PEPD: variants seen among roughly 807,000 people sequenced by gnomAD.
PEPD encodes the protein peptidase D.
A neutral mutation model predicts 60.7 loss-of-function variants in PEPD; 53 were observed. The ratio of observed to expected loss-of-function variants is 0.87; its 90% CI spans 0.70 to 1.10. The LOEUF is 1.10. PEPD is among the 50% of genes least tolerant of loss of function. The probability of loss-of-function intolerance (pLI) is 0.00; values close to 1 mark genes in which losing one functional copy is unlikely to be tolerated. For missense variants in PEPD, 711 were observed against 711.9 expected (o/e 1.00, Z 0.01); for synonymous variants, 267 against 284.1 (o/e 0.94, Z 0.60).
intron 3 of PEPD, among the ~76,000 whole-genome samples, chr19:33,506,865 CTA>C (rs1970823678): frequency 1.3e-5 from 2 of 150,948 alleles, no homozygotes; most frequent in South Asian, 4.2e-4. Flanking sequence ...CATAAACACC[CTA>C]CACACCACAC....
chr19:33,409,115 A>G (rs1420454841), intron 11 of PEPD, among the ~76,000 whole-genome samples: 1 of 152,266 alleles, frequency 6.6e-6, no homozygotes, highest in African/African-American at 2.4e-5. Flanking sequence ...CCGAGGCCAC[A>G]GCATCTGGGA....
chr19:33,388,173 G>T, intron 13 of PEPD, 92 bp from the exon 14 acceptor site: 1 of 1,083,318 alleles, frequency 9.2e-7, no homozygotes, highest in Non-Finnish European at 1.4e-6. Flanking sequence ...GCCGGTGCCA[G>T]TCTCGTGGGC....
At chr19:33,426,819 G>C (rs982885753) in intron 9 of PEPD, among the ~76,000 whole-genome samples, 2 of 152,362 alleles carry the variant, frequency 1.3e-5, no homozygotes, top group South Asian at 2.1e-4. Context: ...AGATGCCTGT[G>C]AAAGACGTCT....
chr19:33,500,247 T>G (rs1170997106), intron 4 of PEPD, among the ~76,000 whole-genome samples: 1 of 152,232 alleles, frequency 6.6e-6, no homozygotes, highest in Non-Finnish European at 1.5e-5. Flanking sequence ...GCCTCCTGTG[T>G]GCCAGGCAGT....
intron 7 of PEPD, among the ~76,000 whole-genome samples, chr19:33,475,049 G>A (rs1180079742): frequency 2.6e-5 from 4 of 151,450 alleles, no homozygotes; most frequent in South Asian, 2.1e-4. Flanking sequence ...AGCCTACTTT[G>A]CAGGTGAGGA....
At chr19:33,453,059 C>T (rs11668923) in intron 9 of PEPD, among the ~76,000 whole-genome samples, 11,409 of 152,140 alleles carry the variant, frequency 0.075, 525 homozygotes, top group Non-Finnish European at 0.11. Context: ...TGGTGGCTCA[C>T]GCCTATAATC....
chr19:33,453,679 T>C (rs1194486611), intron 9 of PEPD, among the ~76,000 whole-genome samples: 1 of 152,262 alleles, frequency 6.6e-6, no homozygotes, highest in African/African-American at 2.4e-5. Context: ...TTTCCAATAT[T>C]TGCTTTATTG....
At chr19:33,411,593 C>T (rs1968774407) in intron 11 of PEPD, 79 bp downstream of exon 11, 1 of 796,686 alleles carries the variant, frequency 1.3e-6, no homozygotes, top group Admixed American at 1.9e-5. Flanking sequence ...GACCCAGAGG[C>T]TTCTGGGCCA....
chr19:33,485,602 G>A (rs1474498089), intron 6 of PEPD, among the ~76,000 whole-genome samples: 2 of 151,542 alleles, frequency 1.3e-5, no homozygotes, highest in Non-Finnish European at 2.9e-5. Flanking sequence ...TGCTGTAATC[G>A]TCAAGTTTTA....
intron 6 of PEPD, among the ~76,000 whole-genome samples, chr19:33,483,644 T>C (rs1970349582): frequency 1.3e-5 from 2 of 152,060 alleles, no homozygotes; most frequent in South Asian, 2.1e-4. Flanking sequence ...ACTTTGTCTC[T>C]ACAAAAAATT....
Position 33,431,992 on chromosome 19 carries a change from C to CAAAAAAAAA in PEPD, c.672-18358_672-18350dup, listed in dbSNP as rs906879187. On this transcript the variant is annotated intron_variant, in intron 9 of 14. Coordinates refer to ENST00000244137, the MANE Select transcript of PEPD (RefSeq NM_000285.4). ...TGGGTAACAGAGCAAGACACCACCTCAAAAAAAAAAAAAAAAAAGGGAAGA... is the reference window on the plus strand; with the variant it reads ...TGGGTAACAGAGCAAGACACCACCTCAAAAAAAAAAAAAAAAAAAAAAAAAAAGGGAAGA... Among the ~76,000 whole-genome samples, 111 of 77,848 alleles carry CAAAAAAAAA rather than the reference C, an allele frequency of 1.4e-3. 4 individuals carry two copies. Among genetic ancestry groups the CAAAAAAAAA allele is most frequent in the African/African-American group, 4.0e-3 (85 of 21,098 alleles). 51.1% of individuals were successfully genotyped at this position (77,848 alleles called of 152,430 possible).
At chr19:33,487,146 G>A (rs1371435665) in intron 6 of PEPD, 1 of 152,266 alleles carries the variant, frequency 6.6e-6, no homozygotes, top group African/African-American at 2.4e-5. Context: ...GCAGGGGAAT[G>A]CGGTTGCTGA....
intron 9 of PEPD, among the ~76,000 whole-genome samples, chr19:33,416,481 C>T (rs934172889): frequency 3.8e-4 from 58 of 152,224 alleles, no homozygotes; most frequent in Non-Finnish European, 1.0e-4. Flanking sequence ...AAATTTATGA[C>T]TCACATCGTG....
chr19:33,403,970 C>T lies in PEPD; in HGVS notation c.819-2101G>A, dbSNP rs565627356. 1.6e-4 allele frequency among the ~76,000 whole-genome samples: 25 copies of T among 152,292 alleles called. No homozygotes were observed. The South Asian group carries it at 2.1e-3, about 13-fold the overall frequency. On this transcript the variant is annotated intron_variant, in intron 11 of 14. Transcript: ENST00000244137. The stretch of plus-strand genomic sequence containing the variant: ...CCTGCACAGGGCCTAGGCTTCCCCA[C>T]GGCTGGCCGGGAAGGCGGGGCACAT...
At chr19:33,397,378 T>C (rs1264302963) in intron 12 of PEPD, among the ~76,000 whole-genome samples, 2 of 151,946 alleles carry the variant, frequency 1.3e-5, no homozygotes, top group African/African-American at 4.8e-5. Flanking sequence ...GTGTTTGTCT[T>C]GGCCCAGGAA....
At chr19:33,393,001 G>A (rs1043516199) in intron 12 of PEPD, among the ~76,000 whole-genome samples, 5 of 152,138 alleles carry the variant, frequency 3.3e-5, no homozygotes, top group African/African-American at 1.2e-4. Context: ...GCTGTTGCCC[G>A]CCATTCACAG....
chr19:33,493,907 C>T (rs1401731032), intron 4 of PEPD, among the ~76,000 whole-genome samples: 1 of 152,236 alleles, frequency 6.6e-6, no homozygotes, highest in Non-Finnish European at 1.5e-5. Flanking sequence ...CCGGCCCAAG[C>T]CCTTGCATCT....
intron 7 of PEPD, among the ~76,000 whole-genome samples, chr19:33,470,188 C>A (rs1470544458): frequency 6.6e-6 from 1 of 152,198 alleles, no homozygotes; most frequent in Non-Finnish European, 1.5e-5. Flanking sequence ...CTCTATCCAG[C>A]CCCAGCCTCT....
intron 6 of PEPD, among the ~76,000 whole-genome samples, chr19:33,484,468 T>C (rs969231769): frequency 3.3e-5 from 5 of 151,648 alleles, no homozygotes; most frequent in African/African-American, 1.2e-4. Context: ...GAGACAGGCA[T>C]ACGCTTGGAA....
Sources: allele counts gnomAD v4.1 joint callset (sites outside exome capture counted in the v4.1 genomes callset), GRCh38; gene constraint gnomAD v4.1.1; transcripts MANE v1.5; gene names NCBI Gene and HGNC (gene_info 2026-07-23, HGNC 2026-07-21).